CCDC148: variants seen among roughly 807,000 people sequenced by gnomAD.
CCDC148 encodes the protein coiled-coil domain containing 148.
In CCDC148, 89 loss-of-function variants were observed where a neutral mutation model predicts 85.7. That is an observed-to-expected ratio of 1.04 (90% CI 0.87 to 1.24). The LOEUF is 1.24. CCDC148 is among the 50% of genes most tolerant of loss of function. CCDC148 has a pLI of 0.00. For synonymous variants in CCDC148, 230 were observed against 213.9 expected (o/e 1.08, Z -0.66); for missense variants, 692 against 671.7 (o/e 1.03, Z -0.33).
chr2:158,331,397 T>G (rs1016261945), intron 7 of CCDC148, among the ~76,000 whole-genome samples: 11 of 152,240 alleles, frequency 7.2e-5, no homozygotes, highest in African/African-American at 2.2e-4. Context: ...TCTGTTCTTT[T>G]ACATTTGCTG....
At chr2:158,304,539 G>C (rs1195354633) in intron 9 of CCDC148, among the ~76,000 whole-genome samples, 2 of 152,118 alleles carry the variant, frequency 1.3e-5, no homozygotes, top group Non-Finnish European at 2.9e-5. Flanking sequence ...GAAAAATCTT[G>C]GGCAGAATAT....
chr2:158,174,554 G>A lies in CCDC148; in HGVS notation c.1629+1967C>T, dbSNP rs542666236. On this transcript the variant is annotated intron_variant, in intron 13 of 13. Coordinates refer to ENST00000283233, the MANE Select transcript of CCDC148 (RefSeq NM_138803.4). The stretch of plus-strand genomic sequence containing the variant: ...GACAGGGATACATTCTGAGAAACGT[G>A]TCCTTAGGCAATTTTGTTGTGTGAA... 3.3e-5 allele frequency among the ~76,000 whole-genome samples: 5 copies of A among 151,980 alleles called. No homozygotes were observed. In the South Asian group the frequency reaches 1.0e-3, roughly 32 times the overall value.
chr2:158,214,690 T>G (rs1210599399), intron 11 of CCDC148, among the ~76,000 whole-genome samples: 1 of 152,136 alleles, frequency 6.6e-6, no homozygotes. Context: ...CGCTGTCACT[T>G]CCTTAGTTCA....
At chr2:158,238,516 G>A (rs1467881403) in intron 10 of CCDC148, among the ~76,000 whole-genome samples, 1 of 152,156 alleles carries the variant, frequency 6.6e-6, no homozygotes, top group Non-Finnish European at 1.5e-5. Flanking sequence ...AGGCGATGAA[G>A]AAGGTATTTT....
chr2:158,210,958 C>T (rs1310791394), intron 11 of CCDC148, among the ~76,000 whole-genome samples: 2 of 106,752 alleles, frequency 1.9e-5, no homozygotes, highest in East Asian at 2.4e-4. Context: ...GACTCTGTCT[C>T]GAAAAAAAAA....
At chr2:158,427,600 T>C (rs1345417536) in intron 1 of CCDC148, among the ~76,000 whole-genome samples, 5 of 152,078 alleles carry the variant, frequency 3.3e-5, no homozygotes, top group Non-Finnish European at 7.4e-5. Flanking sequence ...CCAGGTATGG[T>C]GGCTCATACC....
intron 7 of CCDC148, among the ~76,000 whole-genome samples, chr2:158,327,704 C>T (rs562123647): frequency 1.3e-5 from 2 of 152,222 alleles, no homozygotes; most frequent in Admixed American, 6.5e-5. Context: ...ATATTTTAAT[C>T]CTGTGAATTT....
At chr2:158,434,494 G>C (rs1041541216) in intron 1 of CCDC148, among the ~76,000 whole-genome samples, 1 of 152,082 alleles carries the variant, frequency 6.6e-6, no homozygotes, top group Non-Finnish European at 1.5e-5. Context: ...GAAGACCAAA[G>C]GTAGATAAAA....
intron 1 of CCDC148, among the ~76,000 whole-genome samples, chr2:158,428,309 G>A (rs924169231): frequency 2.0e-5 from 3 of 152,132 alleles, no homozygotes; most frequent in Non-Finnish European, 4.4e-5. Context: ...ATACAAGGTG[G>A]TAGGGTCAGG....
At chr2:158,200,591 A>T (rs943288642) in intron 11 of CCDC148, among the ~76,000 whole-genome samples, 1 of 152,194 alleles carries the variant, frequency 6.6e-6, no homozygotes, top group Admixed American at 6.5e-5. Flanking sequence ...TTGCCAACTC[A>T]TTGACTAAGA....
rs57036650 is a variant in CCDC148 at position 158,358,068 on chromosome 2, G to C, written c.147+381C>G. On this transcript the variant is annotated intron_variant, in intron 2 of 13. Transcript: ENST00000283233. ...GAATTCTAGAAAAGAGAGCACCTGA[G>C]GACATATTTGTATAGTGTTGGAGAA... 7.4e-3 allele frequency among the ~76,000 whole-genome samples: 1,130 copies of C among 152,244 alleles called. 20 individuals carry two copies. Among genetic ancestry groups the C allele is most frequent in the African/African-American group, 0.026 (1,078 of 41,546 alleles).
intron 1 of CCDC148, among the ~76,000 whole-genome samples, chr2:158,438,336 C>G (rs1420505641): frequency 6.6e-6 from 1 of 152,130 alleles, no homozygotes; most frequent in Non-Finnish European, 1.5e-5. Context: ...CTACAACCAT[C>G]TGATCTTTGA....
intron 10 of CCDC148, among the ~76,000 whole-genome samples, chr2:158,222,967 G>C (rs995223928): frequency 2.0e-5 from 3 of 152,128 alleles, no homozygotes; most frequent in South Asian, 2.1e-4. Flanking sequence ...TCGGAAAGTG[G>C]GTGCAGGACA....
intron 7 of CCDC148, among the ~76,000 whole-genome samples, chr2:158,327,706 T>C (rs1692852178): frequency 1.3e-5 from 2 of 152,234 alleles, no homozygotes; most frequent in Admixed American, 1.3e-4. Flanking sequence ...ATTTTAATCC[T>C]GTGAATTTTA....
At chr2:158,175,608 T>C (rs1185447130) in intron 13 of CCDC148, among the ~76,000 whole-genome samples, 1 of 152,042 alleles carries the variant, frequency 6.6e-6, no homozygotes, top group Non-Finnish European at 1.5e-5. Flanking sequence ...TCAGCCTATC[T>C]TGCTCTGATG....
chr2:158,233,827 A>T (rs1230595608), intron 10 of CCDC148, among the ~76,000 whole-genome samples: 1 of 152,080 alleles, frequency 6.6e-6, no homozygotes, highest in African/African-American at 2.4e-5. Flanking sequence ...CTGTAGTTTG[A>T]TGGTATAGAG....
At chr2:158,244,528 T>A (rs1272470822) in intron 10 of CCDC148, among the ~76,000 whole-genome samples, 1 of 152,140 alleles carries the variant, frequency 6.6e-6, no homozygotes, top group Non-Finnish European at 1.5e-5. Flanking sequence ...TTGCTGGCCA[T>A]CAGCCCGGGC....
intron 1 of CCDC148, among the ~76,000 whole-genome samples, chr2:158,396,338 C>T (rs1685521090): frequency 6.6e-6 from 1 of 152,034 alleles, no homozygotes; most frequent in South Asian, 2.1e-4. Context: ...TTAGATAGGA[C>T]ATATGTTCTC....
intron 9 of CCDC148, among the ~76,000 whole-genome samples, chr2:158,282,307 G>A (rs1040799500): frequency 3.9e-5 from 6 of 152,106 alleles, no homozygotes; most frequent in South Asian, 2.1e-4. Flanking sequence ...GAAATAAAGG[G>A]TATTCAATTA....
Sources: gnomAD v4.1 joint callset for allele counts (sites outside exome capture counted in the v4.1 genomes callset) on GRCh38, gnomAD v4.1.1 for gene constraint, MANE v1.5 for transcripts, NCBI Gene and HGNC (gene_info 2026-07-23, HGNC 2026-07-21) for gene names.